TEX11: variants seen among roughly 807,000 people sequenced by gnomAD.
TEX11 encodes testis expressed 11, also known as testis-expressed protein 11.
In TEX11, 7 loss-of-function variants were observed where a neutral mutation model predicts 84.4. That is an observed-to-expected ratio of 0.08 (90% CI 0.05 to 0.16). The LOEUF (loss-of-function observed/expected upper bound fraction) is 0.16. Among genes scored for constraint, TEX11 ranks in the 10% least tolerant of loss-of-function variants. The probability of loss-of-function intolerance (pLI) is 1.00; values close to 1 mark genes in which losing one functional copy is unlikely to be tolerated. For synonymous variants in TEX11, 264 were observed against 222.8 expected (o/e 1.18, Z -1.64); for missense variants, 551 against 660.5 (o/e 0.83, Z 1.82).
intron 7 of TEX11, among the ~76,000 whole-genome samples, chrX:70,836,905 C>G (rs2091408511): frequency 9.0e-6 from 1 of 110,703 alleles, no homozygotes; most frequent in Non-Finnish European, 1.9e-5. Context: ...TAGTCTCAGC[C>G]ACTCGGGAGG....
chrX:70,618,386 CT>C lies in TEX11; in HGVS notation c.1751+5563del, dbSNP rs371571690. ...CTGTGTGCTCCCTTGAGGCGGCCCC[CT>C]GGGTCCACGAAATTAGTGGGCATCT... is the stretch of plus-strand genomic sequence containing the variant. On this transcript the variant is annotated intron_variant, in intron 20 of 29. Coordinates refer to ENST00000374333, the MANE Select transcript of TEX11 (RefSeq NM_031276.3). 5.8e-3 allele frequency among the ~76,000 whole-genome samples: 646 copies of C among 111,526 alleles called. 4 individuals are homozygous for C. The highest frequency in any genetic ancestry group is 0.02 in the African/African-American group (617 of 30,693).
intron 11 of TEX11, among the ~76,000 whole-genome samples, chrX:70,733,315 A>T (rs1020889948): frequency 1.3e-4 from 14 of 111,746 alleles, no homozygotes; most frequent in Non-Finnish European, 2.4e-4. Context: ...ATCTAATTAA[A>T]CTAAAGAGCT....
At chrX:70,788,969 TATATAGAGAGAG>T (rs1193151894) in intron 9 of TEX11, among the ~76,000 whole-genome samples, 14 of 24,931 alleles carry the variant, frequency 5.6e-4, no homozygotes, top group African/African-American at 1.9e-3. Context: ...TATATATATA[TATATAGAGAGAG>T]AGAGAGAGAG....
intron 17 of TEX11, among the ~76,000 whole-genome samples, chrX:70,640,428 G>A (rs1415398636): frequency 9.5e-6 from 1 of 105,022 alleles, no homozygotes; most frequent in African/African-American, 3.4e-5. Context: ...ACGCCACAAA[G>A]ATACTCCTCG....
rs746454844 is a variant in TEX11, at chrX:70,546,353, A to G, written c.2520+5773T>C. ...GTGGGTTGGGCAAAGATTTCTCAGC[A>G]TGACCAAAACACTACCCACAAAAGA... On this transcript the variant is annotated intron_variant, in intron 28 of 29. Transcript: ENST00000374333. Among the ~76,000 whole-genome samples, 34 of 112,148 alleles carry G rather than the reference A, an allele frequency of 3.0e-4. 1 individual carries two copies. The highest frequency in any genetic ancestry group is 1.1e-3 in the African/African-American group (33 of 30,967).
At chrX:70,799,328 T>C (rs1265861185) in intron 9 of TEX11, among the ~76,000 whole-genome samples, 1 of 111,813 alleles carries the variant, frequency 8.9e-6, no homozygotes, top group Non-Finnish European at 1.9e-5. Context: ...AGCCAAATCA[T>C]GTCTGTAAGG....
intron 10 of TEX11, 26 bp from the exon 11 acceptor site, chrX:70,740,822 A>G (rs1169070444): frequency 1.9e-6 from 2 of 1,039,674 alleles, no homozygotes; most frequent in Non-Finnish European, 1.3e-6. Flanking sequence ...AAAGAAAAAA[A>G]GCACATATCT....
At chrX:70,639,866 C>T (rs1452925469) in intron 17 of TEX11, among the ~76,000 whole-genome samples, 7 of 111,762 alleles carry the variant, frequency 6.3e-5, no homozygotes, top group Middle Eastern at 4.6e-3. Flanking sequence ...GAGCGCCTCT[C>T]CTCCTCCAAA....
At chrX:70,902,421 ACT>A (rs1234742969) in intron 2 of TEX11, among the ~76,000 whole-genome samples, 2 of 110,812 alleles carry the variant, frequency 1.8e-5, no homozygotes, top group Non-Finnish European at 3.8e-5. Context: ...GACTTTATAA[ACT>A]CTGCACACTT....
intron 2 of TEX11, among the ~76,000 whole-genome samples, chrX:70,881,509 C>T (rs1602207676): frequency 9.0e-6 from 1 of 110,759 alleles, no homozygotes; most frequent in East Asian, 2.8e-4. Context: ...ATATTCATAA[C>T]AGTACTATAA....
At chrX:70,701,721 A>G (rs4307495) in intron 13 of TEX11, among the ~76,000 whole-genome samples, 8,821 of 111,821 alleles carry the variant, frequency 0.079, 427 homozygotes, top group Admixed American at 0.24. Context: ...AGTATTCACC[A>G]TTCTAGATGC....
chrX:70,702,326 A>G (rs1221412042), intron 13 of TEX11, among the ~76,000 whole-genome samples: 1 of 112,090 alleles, frequency 8.9e-6, no homozygotes, highest in Non-Finnish European at 1.9e-5. Context: ...TCATTAGCAC[A>G]AAGATTACAA....
chrX:70,610,685 C>T, intron 20 of TEX11, 142 bp from the exon 21 acceptor site: 1 of 512,419 alleles, frequency 2.0e-6, no homozygotes, highest in Non-Finnish European at 3.3e-6. Context: ...CTCCAATCTA[C>T]CATTTCAACA....
At chrX:70,825,565 A>G (rs1440399138) in intron 8 of TEX11, among the ~76,000 whole-genome samples, 1 of 111,820 alleles carries the variant, frequency 8.9e-6, no homozygotes, top group Non-Finnish European at 1.9e-5. Context: ...GAAATGAGTC[A>G]GCAAATTACA....
chrX:70,560,914 T>TG (rs2088363307), intron 25 of TEX11, among the ~76,000 whole-genome samples: 1 of 70,405 alleles, frequency 1.4e-5, no homozygotes, highest in Non-Finnish European at 2.8e-5. Context: ...TTTTTTTTTT[T>TG]TTTTTTTTTT....
chrX:70,518,673 A>G, the TEX11 span, among the ~76,000 whole-genome samples: 25 of 111,439 alleles, frequency 2.2e-4, no homozygotes, highest in African/African-American at 8.1e-4. Flanking sequence ...AGTCCTGGAT[A>G]TCCTTGTTAA....
intron 11 of TEX11, among the ~76,000 whole-genome samples, chrX:70,729,589 C>T (rs189544152): frequency 6.7e-4 from 74 of 110,366 alleles, no homozygotes; most frequent in Middle Eastern, 9.3e-3. Context: ...TGAAATGAAG[C>T]GAGAAGAGAA....
intron 25 of TEX11, among the ~76,000 whole-genome samples, chrX:70,590,786 T>A (rs2147496620): frequency 8.9e-6 from 1 of 112,004 alleles, no homozygotes; most frequent in East Asian, 2.8e-4. Context: ...TCGCTCTTGT[T>A]GCCCAGGCTG....
rs185539570 is a variant in TEX11 at position 70,733,248 on chromosome X, A to T, written c.843+7453T>A. On this transcript the variant is annotated intron_variant, in intron 11 of 29. Coordinates refer to ENST00000374333, the MANE Select transcript of TEX11 (RefSeq NM_031276.3). ...ATTCAGGACATAGGCATGGGCAAGG[A>T]CTTCATGTCTAAAACACCAAAAGCA... Among the ~76,000 whole-genome samples the T allele has an allele frequency of 2.2e-3, 244 of 111,995 alleles. 1 individual carries two copies. The highest frequency in any genetic ancestry group is 7.5e-3 in the African/African-American group (231 of 30,862).
Sources: allele counts gnomAD v4.1 joint callset (sites outside exome capture counted in the v4.1 genomes callset), GRCh38; gene constraint gnomAD v4.1.1; transcripts MANE v1.5; gene names NCBI Gene and HGNC (gene_info 2026-07-23, HGNC 2026-07-21).